CDH8: variants seen among roughly 807,000 people sequenced by gnomAD.
CDH8 encodes the protein cadherin 8, also known as cadherin-8.
CDH8 carries 17 observed loss-of-function variants against 68.1 expected under a neutral mutation model. The observed-to-expected ratio is 0.25, with a 90% CI of 0.17 to 0.37. The LOEUF (loss-of-function observed/expected upper bound fraction) is 0.37, where lower values mean the gene tolerates loss of function less well. Among genes scored for constraint, CDH8 ranks in the 10% least tolerant of loss-of-function variants. The pLI is 1.00. For synonymous variants in CDH8, 372 were observed against 365.1 expected (o/e 1.02, Z -0.21); for missense variants, 763 against 999.3 (o/e 0.76, Z 3.19).
At chr16:61,766,223 A>G (rs897522016) in intron 8 of CDH8, among the ~76,000 whole-genome samples, 2 of 150,610 alleles carry the variant, frequency 1.3e-5, no homozygotes, top group Non-Finnish European at 3.0e-5. Flanking sequence ...GCTGCCACTT[A>G]TAAGTGAGAA....
At chr16:62,002,206 TA>T (rs1437939365) in intron 2 of CDH8, among the ~76,000 whole-genome samples, 1 of 152,058 alleles carries the variant, frequency 6.6e-6, no homozygotes, top group Admixed American at 6.6e-5. Context: ...AAAAAGAAAG[TA>T]AATTAATCTG....
At chr16:61,932,003 C>G (rs1304077372) in intron 2 of CDH8, among the ~76,000 whole-genome samples, 1 of 151,910 alleles carries the variant, frequency 6.6e-6, no homozygotes, top group Non-Finnish European at 1.5e-5. Flanking sequence ...GTCAGGAGAT[C>G]GAGACCATCC....
At chr16:61,819,693 C>A (rs534894324) in intron 6 of CDH8, among the ~76,000 whole-genome samples, 2 of 151,842 alleles carry the variant, frequency 1.3e-5, no homozygotes, top group African/African-American at 4.8e-5. Flanking sequence ...TCAGTGGGGG[C>A]GATTTTTAGA....
intron 6 of CDH8, among the ~76,000 whole-genome samples, chr16:61,819,188 T>A (rs1962154317): frequency 6.6e-6 from 1 of 152,046 alleles, no homozygotes; most frequent in South Asian, 2.1e-4. Context: ...CATTCTGGTG[T>A]CCCAAGAATT....
At chr16:61,948,241 G>C (rs377663678) in intron 2 of CDH8, among the ~76,000 whole-genome samples, 2 of 152,260 alleles carry the variant, frequency 1.3e-5, no homozygotes, top group African/African-American at 4.8e-5. Context: ...ATTAGCTTCT[G>C]AGGATTTCTG....
intron 5 of CDH8, among the ~76,000 whole-genome samples, chr16:61,823,858 T>C (rs540842923): frequency 7.0e-4 from 106 of 152,042 alleles, no homozygotes; most frequent in African/African-American, 2.4e-3. Flanking sequence ...TTCCCATACA[T>C]GGCTGTACAC....
chr16:61,940,671 G>A (rs1273155115), intron 2 of CDH8: 2 of 152,330 alleles, frequency 1.3e-5, no homozygotes, highest in South Asian at 2.1e-4. Flanking sequence ...AAAGTTCTGG[G>A]ATTACAGGCG....
chr16:61,926,175 G>C (rs1964454035), intron 2 of CDH8, among the ~76,000 whole-genome samples: 1 of 151,754 alleles, frequency 6.6e-6, no homozygotes, highest in Admixed American at 6.6e-5. Flanking sequence ...GTGTGTGTGT[G>C]TGTGTGTGTG....
intron 2 of CDH8, among the ~76,000 whole-genome samples, chr16:61,950,257 C>T (rs975048114): frequency 6.6e-6 from 1 of 152,110 alleles, no homozygotes; most frequent in Admixed American, 6.5e-5. Flanking sequence ...TCCTCTCTGA[C>T]TTCTCTGTTG....
At chr16:61,683,856 T>C (rs1210713963) in intron 10 of CDH8, among the ~76,000 whole-genome samples, 1 of 152,000 alleles carries the variant, frequency 6.6e-6, no homozygotes, top group Non-Finnish European at 1.5e-5. Flanking sequence ...GCAGGGCCCA[T>C]GTTTGGTATT....
In CDH8 at chr16:61,936,428, G is replaced by A. The variant is rs188635620; in HGVS notation, c.253-34955C>T. On this transcript the variant is annotated intron_variant, in intron 2 of 11. Transcript: ENST00000577390. ...TTCCTGTGTTTCATTCTCACAACTC[G>A]GGGCAGTAGATAAGGATTGCCAAAA... Among the ~76,000 whole-genome samples, 10 of 152,114 alleles carry A rather than the reference G, an allele frequency of 6.6e-5. No homozygotes were observed. The East Asian group carries it at 7.8e-4, about 12-fold the overall frequency.
intron 8 of CDH8, among the ~76,000 whole-genome samples, chr16:61,764,473 C>G (rs1421424254): frequency 1.3e-5 from 2 of 152,082 alleles, no homozygotes; most frequent in African/African-American, 4.8e-5. Context: ...GAACTGTTAA[C>G]TATTCATATT....
intron 7 of CDH8, among the ~76,000 whole-genome samples, chr16:61,814,910 C>A (rs1310633970): frequency 6.6e-6 from 1 of 152,154 alleles, no homozygotes; most frequent in Non-Finnish European, 1.5e-5. Context: ...TGTAGAACTG[C>A]AGAACAGATG....
At chr16:61,654,228 T>G in intron 11 of CDH8, 127 bp from the exon 12 acceptor site, 2 of 743,242 alleles carry the variant, frequency 2.7e-6, no homozygotes, top group Non-Finnish European at 4.3e-6. Flanking sequence ...TAATAATATT[T>G]ACTAGAAAAT....
chr16:61,698,819 T>G (rs1041447815), intron 10 of CDH8, among the ~76,000 whole-genome samples: 1 of 152,160 alleles, frequency 6.6e-6, no homozygotes, highest in African/African-American at 2.4e-5. Flanking sequence ...ATCTTTGCTC[T>G]TCTAAGGAGG....
intron 10 of CDH8, among the ~76,000 whole-genome samples, chr16:61,657,953 G>A (rs77201411): frequency 0.033 from 5,045 of 152,082 alleles, 100 homozygotes; most frequent in South Asian, 0.048. Flanking sequence ...CCTGGAATTT[G>A]CCTATCTTGC....
chr16:61,840,761 G>A (rs900039220), intron 4 of CDH8, among the ~76,000 whole-genome samples: 11 of 151,908 alleles, frequency 7.2e-5, no homozygotes, highest in African/African-American at 2.7e-4. Context: ...CACATATTGG[G>A]GTCTTTCAGG....
chr16:61,820,234 A>G (rs971631405), intron 6 of CDH8, among the ~76,000 whole-genome samples: 4 of 151,666 alleles, frequency 2.6e-5, no homozygotes, highest in African/African-American at 9.7e-5. Flanking sequence ...TTTGGAGTAT[A>G]CAATGGTAGC....
intron 4 of CDH8, among the ~76,000 whole-genome samples, chr16:61,825,495 G>A (rs1224780295): frequency 2.0e-5 from 3 of 151,756 alleles, no homozygotes; most frequent in Non-Finnish European, 2.9e-5. Context: ...ACACAGTCTC[G>A]TCCACCCCAG....
Sources: gnomAD v4.1 joint callset for allele counts (sites outside exome capture counted in the v4.1 genomes callset) on GRCh38, gnomAD v4.1.1 for gene constraint, MANE v1.5 for transcripts, NCBI Gene and HGNC (gene_info 2026-07-23, HGNC 2026-07-21) for gene names.